The following TLE3 variants were observed in gnomAD, a reference collection of about 807,000 sequenced individuals.
The protein encoded by TLE3 is transducin-like enhancer protein 3.
In TLE3, 14 loss-of-function variants were observed where a neutral mutation model predicts 93.0. The ratio of observed to expected loss-of-function variants is 0.15; its 90% CI spans 0.10 to 0.24. The LOEUF (loss-of-function observed/expected upper bound fraction) is 0.24. TLE3 is among the 10% of genes least tolerant of loss of function. The probability of loss-of-function intolerance (pLI) is 1.00; values close to 1 mark genes in which losing one functional copy is unlikely to be tolerated. For missense variants in TLE3, 693 were observed against 1,046.6 expected, an observed-to-expected ratio of 0.66 and a Z score of 4.66; for synonymous variants, 451 against 425.0, an observed-to-expected ratio of 1.06 and a Z score of -0.75.
chr15:70,067,691 T>C (rs1376291391), intron 6 of TLE3, among the ~76,000 whole-genome samples: 1 of 152,206 alleles, frequency 6.6e-6, no homozygotes, highest in Admixed American at 6.5e-5. Flanking sequence ...GAGGAGGCAG[T>C]AAGCATTTCA....
At chr15:70,083,194 CCCAACAGAGA>C (rs1490214311) in intron 4 of TLE3, among the ~76,000 whole-genome samples, 1 of 152,130 alleles carries the variant, frequency 6.6e-6, no homozygotes, top group Non-Finnish European at 1.5e-5. Flanking sequence ...TCCATGGAGA[CCCAACAGAGA>C]CTTGGAGGCA....
chr15:70,058,108 C>A lies in TLE3; in HGVS notation c.1051+51G>T, dbSNP rs1245002450. The A allele has an allele frequency of 1.2e-6, 2 of 1,612,784 alleles. No individual in the cohort carries two copies. Among genetic ancestry groups the A allele is most frequent in the East Asian group, 2.2e-5 (1 of 44,846 alleles). On this transcript the variant is annotated intron_variant, in intron 12 of 19. Transcript: ENST00000451782. This position sits in a 1 kb window ranked among gnomAD's most constrained non-coding sequence, Gnocchi z 4.1. ...CACCCCTGCCCTGGCCAAGAGCAGA[C>A]CCCCTCCCCCCAATCAGATTAACCC...
intron 6 of TLE3, among the ~76,000 whole-genome samples, chr15:70,068,528 C>T (rs2056956843): frequency 6.6e-6 from 1 of 152,156 alleles, no homozygotes; most frequent in African/African-American, 2.4e-5. Context: ...AAAGCAAGGA[C>T]TGAAAGCAAG....
intron 10 of TLE3, 90 bp downstream of exon 10, chr15:70,059,320 T>C: frequency 6.8e-7 from 1 of 1,464,970 alleles, no homozygotes; most frequent in Non-Finnish European, 9.3e-7. Flanking sequence ...CCAGTAATAC[T>C]AGAACAGACA....
In TLE3 at chr15:70,050,089, G is replaced by C; in HGVS notation, c.*8C>G. ...CCCAGAGTTTGACAGCCCTGCTGGA[G>C]TTCTTGTTTAGTAGATGACCTCATA... On this transcript the variant is annotated 3_prime_UTR_variant, in exon 20 of 20. Coordinates refer to ENST00000451782, the MANE Select transcript of TLE3 (RefSeq NM_001105192.3). 2.5e-6 allele frequency: 4 copies of C among 1,610,700 alleles called. No individual in the cohort carries two copies. The South Asian group carries it at 4.4e-5, about 18-fold the overall frequency.
intron 4 of TLE3, among the ~76,000 whole-genome samples, chr15:70,081,950 A>G (rs1187064772): frequency 2.6e-5 from 4 of 152,290 alleles, no homozygotes; most frequent in South Asian, 4.2e-4. Context: ...GAGGTTCTTA[A>G]ATTTTAATCA....
chr15:70,054,733 G>A, intron 15 of TLE3, 48 bp from the exon 16 acceptor site: 1 of 1,508,738 alleles, frequency 6.6e-7, no homozygotes, highest in African/African-American at 1.4e-5. Context: ...TCCCCTCCTG[G>A]GCACCAGGAG....
intron 4 of TLE3, among the ~76,000 whole-genome samples, chr15:70,093,356 G>A (rs112533430): frequency 2.8e-4 from 43 of 152,222 alleles, no homozygotes; most frequent in Admixed American, 2.4e-3. Flanking sequence ...GAAGCCACCC[G>A]AGTGGGTAGG....
intron 6 of TLE3, chr15:70,066,946 A>AG: frequency 1.6e-5 from 6 of 372,456 alleles, no homozygotes; most frequent in Non-Finnish European, 2.2e-5. Context: ...TTATCTGTAA[A>AG]GGGGGAAAGC....
At chr15:70,076,594 T>C (rs971582040) in intron 4 of TLE3, among the ~76,000 whole-genome samples, 13 of 152,182 alleles carry the variant, frequency 8.5e-5, no homozygotes, top group African/African-American at 3.1e-4. Context: ...CTCAGATAAA[T>C]GGGACTAAGC....
chr15:70,075,649 C>T (rs2057403994), intron 5 of TLE3, among the ~76,000 whole-genome samples: 1 of 152,182 alleles, frequency 6.6e-6, no homozygotes, highest in Non-Finnish European at 1.5e-5. Flanking sequence ...TCAAATCACC[C>T]ACTAGTCCAG....
chr15:70,067,814 G>A (rs1243895491), intron 6 of TLE3, among the ~76,000 whole-genome samples: 1 of 152,246 alleles, frequency 6.6e-6, no homozygotes, highest in Non-Finnish European at 1.5e-5. Context: ...GCCCCAGAGG[G>A]CTCCCTTTGT....
At position 70,054,463 on chromosome 15, in the gene TLE3, C is replaced by T; in HGVS notation, c.1801G>A (p.Asp601Asn). 1 of 1,613,908 alleles carries T rather than the reference C, an allele frequency of 6.2e-7. No individual in the cohort carries two copies. Among genetic ancestry groups the T allele is most frequent in the East Asian group, 2.2e-5 (1 of 44,884 alleles). Residue 601 changes from aspartate (D) to asparagine (N), a missense_variant, in exon 16 of 20, where the codon GAC becomes AAC. This residue lies in a region of TLE3 where 153 missense variants were observed against 379.9 expected (regional missense o/e 0.40). Coordinates refer to ENST00000451782, the MANE Select transcript of TLE3 (RefSeq NM_001105192.3). The part of the protein sequence containing the change: ...CCSDGNIAVW[D>N]LHNQTLVRQF... ...CTGACCAGGGTCTGGTTGTGCAGGTCCCAGACAGCAATGTTCCCATCGCTG... is the reference window on the plus strand; with the variant it reads ...CTGACCAGGGTCTGGTTGTGCAGGTTCCAGACAGCAATGTTCCCATCGCTG...
intron 4 of TLE3, among the ~76,000 whole-genome samples, 194 bp downstream of exon 4, chr15:70,094,338 A>G (rs765617291): frequency 1.3e-5 from 2 of 151,944 alleles, no homozygotes; most frequent in African/African-American, 4.8e-5. Flanking sequence ...AAATGCTAAA[A>G]GCTCAACATG....
intron 4 of TLE3, among the ~76,000 whole-genome samples, chr15:70,092,284 G>A (rs558439408): frequency 3.9e-5 from 6 of 152,292 alleles, no homozygotes; most frequent in South Asian, 2.1e-4. Flanking sequence ...TGCATTTCAC[G>A]GCACAGGTTT....
chr15:70,063,554 G>A (rs1449164075), intron 8 of TLE3, among the ~76,000 whole-genome samples: 2 of 152,238 alleles, frequency 1.3e-5, no homozygotes, highest in Non-Finnish European at 2.9e-5. Flanking sequence ...CTGCTGTCTA[G>A]ATGGTTAGTT....
Position 70,095,455 on chromosome 15 carries a change from T to C in TLE3, c.189+123A>G, listed in dbSNP as rs962591736. ...GAGGGCAAGACCAGATTATGCCCTC[T>C]CTCAGGGCCGCCCTGCGGCTGGGCG... On this transcript the variant is annotated intron_variant, in intron 3 of 19. Coordinates refer to ENST00000451782, the MANE Select transcript of TLE3 (RefSeq NM_001105192.3). The C allele has an allele frequency of 3.2e-6, 5 of 1,542,538 alleles. No homozygotes were observed. In the African/African-American group the frequency reaches 6.9e-5, roughly 21 times the overall value.
chr15:70,075,584 A>G (rs1195018465), intron 5 of TLE3, among the ~76,000 whole-genome samples: 1 of 152,214 alleles, frequency 6.6e-6, no homozygotes, highest in Non-Finnish European at 1.5e-5. Context: ...AGAGCCCACT[A>G]AAGTCGGCCC....
rs2058577539 is a variant in TLE3 at position 70,096,640 on chromosome 15, C to T, written c.24+135G>A. 3.2e-6 allele frequency: 5 copies of T among 1,549,214 alleles called. No homozygotes were observed. The African/African-American group carries it at 4.1e-5, about 13-fold the overall frequency. On this transcript the variant is annotated intron_variant, in intron 1 of 19. Coordinates refer to ENST00000451782, the MANE Select transcript of TLE3 (RefSeq NM_001105192.3). ...CTCAACGGCGCCCCCCGGCCGCATC[C>T]CCCTTTGTGTGAGAGCACACACACA... is the stretch of plus-strand genomic sequence containing the variant.
Sources: allele counts gnomAD v4.1 joint callset (sites outside exome capture counted in the v4.1 genomes callset), GRCh38; gene constraint gnomAD v4.1.1; regional missense constraint gnomAD v4.1.1; non-coding constraint Gnocchi (gnomAD v3.1); transcripts MANE v1.5; gene names NCBI Gene and HGNC (gene_info 2026-07-23, HGNC 2026-07-21).